NR6A1: variants seen among roughly 807,000 people sequenced by gnomAD.
NR6A1 encodes nuclear receptor subfamily 6 group A member 1, also known as retinoic acid receptor-related testis-associated receptor.
Under a neutral mutation model 59.1 loss-of-function variants are expected in NR6A1, and 7 were observed. The ratio of observed to expected loss-of-function variants is 0.12; its 90% CI spans 0.07 to 0.22. NR6A1 has a LOEUF of 0.22. NR6A1 is among the 10% of genes least tolerant of loss of function. The pLI is 1.00. For missense variants in NR6A1, 468 were observed against 611.6 expected (o/e 0.77, Z 2.48); for synonymous variants, 243 against 236.1 (o/e 1.03, Z -0.27).
intron 2 of NR6A1, among the ~76,000 whole-genome samples, chr9:124,653,944 A>G (rs1201863130): frequency 2.0e-5 from 3 of 152,238 alleles, no homozygotes; most frequent in African/African-American, 7.2e-5. Flanking sequence ...TTATTGACAA[A>G]GAAAGATCAG....
intron 2 of NR6A1, among the ~76,000 whole-genome samples, chr9:124,626,858 C>A (rs1162125941): frequency 2.0e-5 from 3 of 152,100 alleles, no homozygotes; most frequent in African/African-American, 7.2e-5. Context: ...CGCTTGAACC[C>A]GGGAGGTGGA....
intron 7 of NR6A1, among the ~76,000 whole-genome samples, chr9:124,533,981 C>T (rs889472570): frequency 6.6e-6 from 1 of 151,730 alleles, no homozygotes; most frequent in African/African-American, 2.4e-5. Flanking sequence ...TTCTTGGTGC[C>T]CTGGAATCCC....
chr9:124,598,786 C>T (rs1302790976), intron 2 of NR6A1: 5 of 911,568 alleles, frequency 5.5e-6, no homozygotes, highest in African/African-American at 1.6e-5. Flanking sequence ...GCCACTTTTT[C>T]GGCATGATCG....
At chr9:124,634,761 G>A (rs989937921) in intron 2 of NR6A1, among the ~76,000 whole-genome samples, 2 of 152,162 alleles carry the variant, frequency 1.3e-5, no homozygotes, top group Non-Finnish European at 1.5e-5. Flanking sequence ...GGCGGAGTTT[G>A]CAATGAGCCG....
At chr9:124,631,103 T>C (rs909745308) in intron 2 of NR6A1, among the ~76,000 whole-genome samples, 1 of 152,218 alleles carries the variant, frequency 6.6e-6, no homozygotes, top group African/African-American at 2.4e-5. Flanking sequence ...ATATAAATGA[T>C]GTTCAATAAA....
chr9:124,612,375 AG>A (rs1835773259), intron 2 of NR6A1, among the ~76,000 whole-genome samples: 1 of 152,202 alleles, frequency 6.6e-6, no homozygotes, highest in African/African-American at 2.4e-5. Context: ...TGGAAAGCAG[AG>A]AAAAAAACAG....
At position 124,554,509 on chromosome 9, in the gene NR6A1, T is replaced by C; in HGVS notation, c.204A>G (p.Thr68=). The C allele has an allele frequency of 6.2e-7, 1 of 1,614,210 alleles. No homozygotes were observed. Among genetic ancestry groups the C allele is most frequent in the South Asian group, 1.1e-5 (1 of 91,084 alleles). ...RTCLICGDRA[T]GLHYGIISCE... is the part of the protein sequence containing the mutation. ...AGGAGATGATCCCATAGTGCAAGCC[T>C]GTAGCGCGGTCCCCACAAATGAGAC... The change falls in exon 3 of 10, where the codon ACA becomes ACG. Residue 68 remains threonine (T), a synonymous_variant. Coordinates refer to ENST00000487099, the MANE Select transcript of NR6A1 (RefSeq NM_033334.4).
chr9:124,757,437 A>G (rs1840664514), intron 1 of NR6A1, among the ~76,000 whole-genome samples: 1 of 149,326 alleles, frequency 6.7e-6, no homozygotes, highest in Non-Finnish European at 1.5e-5. Context: ...ACGTAATAGT[A>G]TATACTGTAT....
At chr9:124,540,349 C>T (rs1833408434) in intron 4 of NR6A1, among the ~76,000 whole-genome samples, 162 bp from the exon 5 acceptor site, 1 of 152,180 alleles carries the variant, frequency 6.6e-6, no homozygotes, top group Non-Finnish European at 1.5e-5. Flanking sequence ...GACGGCGTGG[C>T]TTCCTTCCTA....
chr9:124,715,817 T>G (rs1363066366), intron 2 of NR6A1, among the ~76,000 whole-genome samples: 4 of 152,222 alleles, frequency 2.6e-5, no homozygotes, highest in Non-Finnish European at 4.4e-5. Flanking sequence ...AAAGTTATAG[T>G]AATCAAGACA....
chr9:124,597,246 T>C (rs913320996), intron 2 of NR6A1, among the ~76,000 whole-genome samples: 1 of 151,964 alleles, frequency 6.6e-6, no homozygotes, highest in Non-Finnish European at 1.5e-5. Flanking sequence ...TGACACACTT[T>C]ACCCCATCAT....
intron 2 of NR6A1, among the ~76,000 whole-genome samples, chr9:124,679,343 C>G (rs185564110): frequency 1.3e-5 from 2 of 152,260 alleles, no homozygotes; most frequent in African/African-American, 4.8e-5. Context: ...ATTTGTTAAG[C>G]TGTAAACTGA....
chr9:124,640,969 T>C (rs931801895), intron 2 of NR6A1, among the ~76,000 whole-genome samples: 6 of 152,074 alleles, frequency 3.9e-5, no homozygotes, highest in Non-Finnish European at 7.4e-5. Context: ...GTTAAGAAAC[T>C]GAATTATGTT....
At chr9:124,610,431 T>C (rs1835705326) in intron 2 of NR6A1, among the ~76,000 whole-genome samples, 1 of 152,210 alleles carries the variant, frequency 6.6e-6, no homozygotes, top group South Asian at 2.1e-4. Context: ...AAACTAGCCT[T>C]GCATCCTGGG....
chr9:124,649,251 A>G (rs906478953), intron 2 of NR6A1, among the ~76,000 whole-genome samples: 1 of 151,250 alleles, frequency 6.6e-6, no homozygotes, highest in Non-Finnish European at 1.5e-5. Context: ...AAAAAAAAAA[A>G]AAAAGACACA....
At chr9:124,758,198 T>C (rs1172025680) in intron 1 of NR6A1, among the ~76,000 whole-genome samples, 4 of 152,222 alleles carry the variant, frequency 2.6e-5, no homozygotes, top group Admixed American at 2.6e-4. Context: ...GGCTGATTGG[T>C]TTCCTGGTGC....
intron 3 of NR6A1, among the ~76,000 whole-genome samples, chr9:124,548,730 T>A (rs917463382): frequency 6.6e-5 from 10 of 152,110 alleles, no homozygotes; most frequent in African/African-American, 2.4e-4. Flanking sequence ...AAACATCACC[T>A]CCTCCAAGAA....
intron 2 of NR6A1, among the ~76,000 whole-genome samples, chr9:124,619,943 C>T (rs1334367187): frequency 2.0e-5 from 3 of 152,130 alleles, no homozygotes; most frequent in Non-Finnish European, 2.9e-5. Flanking sequence ...TGCCTGTAAT[C>T]CCAGCTACTT....
At chr9:124,719,459 G>A (rs910445851) in intron 2 of NR6A1, among the ~76,000 whole-genome samples, 1 of 152,084 alleles carries the variant, frequency 6.6e-6, no homozygotes, top group African/African-American at 2.4e-5. Context: ...ATAGGTATCA[G>A]ATTACATTTT....
Sources: gnomAD v4.1 joint callset for allele counts (sites outside exome capture counted in the v4.1 genomes callset) on GRCh38, gnomAD v4.1.1 for gene constraint, MANE v1.5 for transcripts, NCBI Gene and HGNC (gene_info 2026-07-23, HGNC 2026-07-21) for gene names.